The following BRCA1 variants were observed in gnomAD, a reference collection of about 807,000 sequenced individuals.
BRCA1 encodes breast cancer type 1 susceptibility protein.
BRCA1 carries 140 observed loss-of-function variants against 173.7 expected under a neutral mutation model. The ratio of observed to expected loss-of-function variants is 0.81; its 90% CI spans 0.70 to 0.93. The LOEUF (loss-of-function observed/expected upper bound fraction) is 0.93, where lower values mean the gene tolerates loss of function less well. Ranked by LOEUF, BRCA1 falls within the 40% of genes least tolerant of loss-of-function variation. The pLI, the probability that BRCA1 is intolerant of heterozygous loss-of-function variation, is 0.00. For synonymous variants in BRCA1, 662 were observed against 756.0 expected, an observed-to-expected ratio of 0.88 and a Z score of 2.04; for missense variants, 1,983 against 2,172.5, an observed-to-expected ratio of 0.91 and a Z score of 1.73.
intron 12 of BRCA1, among the ~76,000 whole-genome samples, chr17:43,081,425 G>A (rs1567782560): frequency 1.3e-5 from 2 of 152,174 alleles, no homozygotes; most frequent in Non-Finnish European, 1.5e-5. Flanking sequence ...TTCTGTATAA[G>A]TAGCAGACTT....
At chr17:43,111,218 T>C (rs2055020591) in intron 3 of BRCA1, among the ~76,000 whole-genome samples, 1 of 152,036 alleles carries the variant, frequency 6.6e-6, no homozygotes, top group Non-Finnish European at 1.5e-5. Context: ...TTTATAGGCT[T>C]CATAAAAGAT....
intron 1 of BRCA1, among the ~76,000 whole-genome samples, chr17:43,150,223 C>T (rs1228823989): frequency 1.3e-5 from 2 of 152,158 alleles, no homozygotes; most frequent in African/African-American, 4.8e-5. Flanking sequence ...AATCCTCCCA[C>T]CTTAGCTTCC....
At chr17:43,047,357 T>C (rs759771021) in intron 22 of BRCA1, among the ~76,000 whole-genome samples, 2 of 151,846 alleles carry the variant, frequency 1.3e-5, no homozygotes, top group Non-Finnish European at 2.9e-5. Context: ...CATCTTGACC[T>C]CCCAAAGTGC....
chr17:43,065,442 G>A (rs1286817661), intron 16 of BRCA1, among the ~76,000 whole-genome samples: 1 of 152,166 alleles, frequency 6.6e-6, no homozygotes, highest in African/African-American at 2.4e-5. Flanking sequence ...GCCGAGGTAG[G>A]TGGATCACCT....
Position 43,082,572 on chromosome 17 carries a change from T to C in BRCA1, c.4189A>G (p.Arg1397Gly), listed in dbSNP as rs886037792. 2 of 1,614,142 alleles carry C rather than the reference T, an allele frequency of 1.2e-6. No homozygotes were observed. Among genetic ancestry groups the C allele is most frequent in the Non-Finnish European group, 1.7e-6 (2 of 1,180,020 alleles). ...SQSDILTTQQ[R>G]DTMQHNLIKL... ...ATCAGGTTATGTTGCATGGTATCCC[T>C]CTGCTTCAAAAACGATAAATGGCAC... Residue 1397 changes from arginine (R) to glycine (G), a missense_variant, in exon 12 of 23, where the codon AGG (arginine) becomes GGG (glycine). By Grantham distance (125) the Arg-to-Gly change is moderately radical. Coordinates refer to ENST00000357654, the MANE Select transcript of BRCA1 (RefSeq NM_007294.4).
At chr17:43,099,729 A>G (rs770910897) in intron 7 of BRCA1, 46 bp downstream of exon 7, 5 of 1,488,006 alleles carry the variant, frequency 3.4e-6, no homozygotes, top group Non-Finnish European at 4.7e-6. Flanking sequence ...TAAGATAAGG[A>G]ATCCAGCAAT....
intron 12 of BRCA1, 144 bp downstream of exon 12, chr17:43,082,260 G>A: frequency 3.2e-6 from 3 of 931,792 alleles, no homozygotes; most frequent in Admixed American, 2.4e-5. Context: ...TTGTGAGCAG[G>A]GACAAGAACC....
intron 1 of BRCA1, chr17:43,163,086 T>G (rs564723173): frequency 6.4e-4 from 97 of 152,358 alleles, no homozygotes; most frequent in African/African-American, 2.2e-3. Flanking sequence ...TTGGTAGTCA[T>G]TAAAGTTACC....
chr17:43,061,585 CTTT>C (rs869125411), intron 18 of BRCA1, among the ~76,000 whole-genome samples: 12 of 142,570 alleles, frequency 8.4e-5, no homozygotes, highest in African/African-American at 2.8e-4. Flanking sequence ...TATAAAATTA[CTTT>C]TTTTTTTTTT....
chr17:43,111,525 A>C (rs971059687), intron 3 of BRCA1, among the ~76,000 whole-genome samples: 2 of 151,888 alleles, frequency 1.3e-5, no homozygotes, highest in Non-Finnish European at 2.9e-5. Flanking sequence ...GTCTCAAAAC[A>C]AAACAAAAAA....
rs2051470097 is a variant in BRCA1 at position 43,056,648 on chromosome 17, G to A, written c.5277+404C>T. 2.6e-5 allele frequency among the ~76,000 whole-genome samples: 4 copies of A among 151,800 alleles called. No individual in the cohort carries two copies. In the South Asian group the frequency reaches 8.3e-4, roughly 32 times the overall value. On this transcript the variant is annotated intron_variant, in intron 19 of 22. Transcript: ENST00000357654. ...AGATCGCACCACTGCACTCTGGCCT[G>A]GGCAATGGAGTGAGACTCCGTCTTG...
chr17:43,134,494 GA>G (rs1243462067), intron 1 of BRCA1, among the ~76,000 whole-genome samples: 27 of 152,226 alleles, frequency 1.8e-4, no homozygotes, highest in African/African-American at 6.5e-4. Flanking sequence ...GGGCTTGATG[GA>G]GGACAGGGAA....
At chr17:43,067,559 TG>T in intron 16 of BRCA1, 48 bp downstream of exon 16, 1 of 1,488,618 alleles carries the variant, frequency 6.7e-7, no homozygotes, top group Non-Finnish European at 9.4e-7. Context: ...TCGCCTCATG[TG>T]GTTTTATGCA....
chr17:43,099,920 C>T (rs752813317), intron 6 of BRCA1, 40 bp from the exon 7 acceptor site: 4 of 1,469,098 alleles, frequency 2.7e-6, no homozygotes, highest in Non-Finnish European at 3.8e-6. Context: ...AATTGTTGGC[C>T]AGTTCTGTGC....
rs786201323 is a variant in BRCA1 at position 43,094,130 on chromosome 17, C to T, written c.1401G>A (p.Lys467=). The T allele has an allele frequency of 1.8e-5, 29 of 1,613,982 alleles. No homozygotes were observed. The highest frequency in any genetic ancestry group is 3.3e-5 in the Admixed American group (2 of 59,992). ...EDKIFGKTYR[K]KASLPNLSHV... The stretch of plus-strand genomic sequence containing the variant: ...GGCTTAAGTTGGGGAGGCTTGCCTT[C>T]TTCCGATAGGTTTTCCCAAATATTT... Residue 467 remains lysine (K), a synonymous_variant, in exon 10 of 23, where the codon AAG becomes AAA. Transcript: ENST00000357654.
chr17:43,145,261 C>T, intron 1 of BRCA1: 2 of 675,828 alleles, frequency 3.0e-6, no homozygotes, highest in Admixed American at 1.9e-5. Flanking sequence ...CTGATGAATA[C>T]CATAGACCAT....
chr17:43,139,864 G>C (rs1481927709), intron 1 of BRCA1: 10 of 469,934 alleles, frequency 2.1e-5, no homozygotes, highest in Non-Finnish European at 4.4e-5. Context: ...CTACAAAAGA[G>C]ATGATCTTGT....
chr17:43,168,353 T>C (rs2056281730), intron 1 of BRCA1: 1 of 322,772 alleles, frequency 3.1e-6, no homozygotes, highest in Non-Finnish European at 6.0e-6. Flanking sequence ...ATAAGGTAAA[T>C]TGGGCTGGGC....
intron 22 of BRCA1, among the ~76,000 whole-genome samples, 190 bp from the exon 23 acceptor site, chr17:43,045,992 G>A (rs1316077327): frequency 4.7e-5 from 7 of 149,132 alleles, no homozygotes; most frequent in Admixed American, 1.4e-4. Flanking sequence ...GCGCAATCTC[G>A]GCTCATTCAA....
Sources: allele counts gnomAD v4.1 joint callset (sites outside exome capture counted in the v4.1 genomes callset), GRCh38; gene constraint gnomAD v4.1.1; transcripts MANE v1.5; gene names NCBI Gene and HGNC (gene_info 2026-07-23, HGNC 2026-07-21).